Variants in EPHA6 observed in about 807,000 individuals in gnomAD.
The protein encoded by EPHA6 is EPH receptor A6.
Under a neutral mutation model 112.0 loss-of-function variants are expected in EPHA6, and 50 were observed. That is an observed-to-expected ratio of 0.45 (90% confidence interval 0.36 to 0.56). The LOEUF is 0.56. EPHA6 is among the 20% of genes least tolerant of loss of function. EPHA6 has a pLI of 0.00. For synonymous variants in EPHA6, 529 were observed against 490.7 expected, an observed-to-expected ratio of 1.08 and a Z score of -1.03; for missense variants, 1,280 against 1,417.4, an observed-to-expected ratio of 0.90 and a Z score of 1.56.
intron 5 of EPHA6, among the ~76,000 whole-genome samples, chr3:97,260,419 A>T (rs189893075): frequency 2.0e-5 from 3 of 152,346 alleles, no homozygotes; most frequent in Admixed American, 2.0e-4. Flanking sequence ...TTATAGAATC[A>T]TGCTCATTCA....
At chr3:97,040,689 G>C (rs979634198) in intron 3 of EPHA6, among the ~76,000 whole-genome samples, 1 of 151,982 alleles carries the variant, frequency 6.6e-6, no homozygotes, top group Non-Finnish European at 1.5e-5. Flanking sequence ...AAATAAAATA[G>C]TTTTATTCTT....
intron 3 of EPHA6, among the ~76,000 whole-genome samples, chr3:97,008,460 T>G (rs1297224049): frequency 1.3e-5 from 2 of 152,124 alleles, no homozygotes; most frequent in African/African-American, 4.8e-5. Context: ...CCCATCAGGT[T>G]GTTTTATGTT....
At chr3:97,401,581 C>T (rs532569438) in intron 5 of EPHA6, among the ~76,000 whole-genome samples, 1 of 151,542 alleles carries the variant, frequency 6.6e-6, no homozygotes, top group Non-Finnish European at 1.5e-5. Flanking sequence ...TTTTCTTAGT[C>T]TAGTTAAAGG....
chr3:97,207,184 G>A (rs1302127733), intron 3 of EPHA6, among the ~76,000 whole-genome samples: 2 of 152,074 alleles, frequency 1.3e-5, no homozygotes, highest in African/African-American at 4.8e-5. Context: ...AAAAAAAGCT[G>A]TATCAGAATA....
chr3:96,960,117 T>C (rs1020631366), intron 2 of EPHA6, among the ~76,000 whole-genome samples: 10 of 152,156 alleles, frequency 6.6e-5, no homozygotes, highest in Non-Finnish European at 1.3e-4. Context: ...TGGAGGCAAA[T>C]GAGCTGGTGT....
chr3:96,884,361 G>T lies in EPHA6; in HGVS notation c.450+17472G>T, dbSNP rs542307250. Among the ~76,000 whole-genome samples, 7 of 152,184 alleles carry T rather than the reference G, an allele frequency of 4.6e-5. No homozygotes were observed. In the East Asian group the frequency reaches 1.4e-3, roughly 29 times the overall value. ...CTACCCATCCATGAGCACGGGATGTGTTTCCATTCATTTGTGTCATCTGTG... is the reference window on the plus strand; with the variant it reads ...CTACCCATCCATGAGCACGGGATGTTTTTCCATTCATTTGTGTCATCTGTG... On this transcript the variant is annotated intron_variant, in intron 2 of 17. Coordinates refer to ENST00000389672, the MANE Select transcript of EPHA6 (RefSeq NM_001080448.3).
intron 11 of EPHA6, among the ~76,000 whole-genome samples, chr3:97,549,014 C>T (rs917214617): frequency 2.6e-5 from 4 of 152,194 alleles, no homozygotes; most frequent in Non-Finnish European, 5.9e-5. Flanking sequence ...CTGGCATAAA[C>T]AAACATACTG....
chr3:96,937,355 C>G (rs2040648779), intron 2 of EPHA6, among the ~76,000 whole-genome samples: 1 of 152,066 alleles, frequency 6.6e-6, no homozygotes, highest in African/African-American at 2.4e-5. Flanking sequence ...CTCTGATGGC[C>G]AGTGATGATG....
At chr3:97,515,852 GT>G (rs1185288505) in intron 10 of EPHA6, among the ~76,000 whole-genome samples, 1 of 151,254 alleles carries the variant, frequency 6.6e-6, no homozygotes, top group African/African-American at 2.4e-5. Context: ...GCTATCTAAT[GT>G]TTGAAATATG....
In EPHA6 at chr3:97,470,953, G is replaced by A. The variant is rs201013179; in HGVS notation, c.1895-4399G>A. 9.9e-5 allele frequency among the ~76,000 whole-genome samples: 15 copies of A among 151,752 alleles called. No individual in the cohort carries two copies. In the East Asian group the frequency reaches 2.9e-3, roughly 29 times the overall value. On this transcript the variant is annotated intron_variant, in intron 7 of 17. Transcript: ENST00000389672. ...TCAGAGTGGTTCTTTTTAGGGACAA[G>A]TTTGCTTTCAACAGATGCCACTTAT... is the stretch of plus-strand genomic sequence containing the variant.
At chr3:97,190,422 A>T (rs2108476162) in intron 3 of EPHA6, among the ~76,000 whole-genome samples, 1 of 152,150 alleles carries the variant, frequency 6.6e-6, no homozygotes, top group South Asian at 2.1e-4. Flanking sequence ...CTTAAGTGGG[A>T]TAATTCTGAG....
intron 15 of EPHA6, among the ~76,000 whole-genome samples, chr3:97,725,619 C>T (rs560681165): frequency 3.3e-5 from 5 of 152,248 alleles, no homozygotes; most frequent in East Asian, 1.9e-4. Context: ...AAAGACCAGT[C>T]GGGCTTTAGA....
At chr3:96,883,619 A>T (rs1220179155) in intron 2 of EPHA6, among the ~76,000 whole-genome samples, 1 of 152,066 alleles carries the variant, frequency 6.6e-6, no homozygotes, top group Non-Finnish European at 1.5e-5. Flanking sequence ...ATGTAGTTTC[A>T]TTCTCCTACA....
At chr3:97,021,194 C>G (rs1009077217) in intron 3 of EPHA6, among the ~76,000 whole-genome samples, 2 of 152,156 alleles carry the variant, frequency 1.3e-5, no homozygotes. Flanking sequence ...GACTGTATAG[C>G]CTAACAGTTC....
chr3:97,515,115 T>C (rs1315300054), intron 10 of EPHA6, among the ~76,000 whole-genome samples: 2 of 152,152 alleles, frequency 1.3e-5, no homozygotes, highest in African/African-American at 2.4e-5. Context: ...TAACCTGAGA[T>C]AGTATGTAGA....
chr3:97,595,221 A>G (rs947387306), intron 12 of EPHA6, among the ~76,000 whole-genome samples: 1 of 152,250 alleles, frequency 6.6e-6, no homozygotes, highest in African/African-American at 2.4e-5. Flanking sequence ...TAAAAAGGTC[A>G]TAGTAAAGGG....
intron 5 of EPHA6, among the ~76,000 whole-genome samples, chr3:97,399,097 C>G (rs1159987270): frequency 1.3e-5 from 2 of 151,466 alleles, no homozygotes; most frequent in East Asian, 3.9e-4. Context: ...TTTTCTTTAG[C>G]CACTTCCCTC....
intron 3 of EPHA6, among the ~76,000 whole-genome samples, chr3:97,156,325 A>G (rs951489124): frequency 3.9e-5 from 6 of 152,188 alleles, no homozygotes; most frequent in African/African-American, 1.4e-4. Context: ...TTGAAGAATA[A>G]TTATTAAAAT....
chr3:96,818,349 A>G (rs1425590705), intron 1 of EPHA6, among the ~76,000 whole-genome samples: 1 of 152,002 alleles, frequency 6.6e-6, no homozygotes, highest in Non-Finnish European at 1.5e-5. Context: ...GCTTTTACAA[A>G]TAATCAATTG....
Sources: gnomAD v4.1 joint callset for allele counts (sites outside exome capture counted in the v4.1 genomes callset) on GRCh38, gnomAD v4.1.1 for gene constraint, MANE v1.5 for transcripts, NCBI Gene and HGNC (gene_info 2026-07-23, HGNC 2026-07-21) for gene names.